Variants in PCGF5 observed in about 807,000 individuals in gnomAD.
The protein encoded by PCGF5 is polycomb group RING finger protein 5.
PCGF5 carries 9 observed loss-of-function variants against 44.3 expected under a neutral mutation model. The observed-to-expected ratio is 0.20, with a 90% CI of 0.12 to 0.35. PCGF5 has a LOEUF of 0.35. Among genes scored for constraint, PCGF5 ranks in the 10% least tolerant of loss-of-function variants. PCGF5 has a pLI of 1.00. For synonymous variants in PCGF5, 95 were observed against 102.5 expected (o/e 0.93, Z 0.44); for missense variants, 146 against 305.3 (o/e 0.48, Z 3.89).
intron 2 of PCGF5, among the ~76,000 whole-genome samples, chr10:91,235,725 G>A (rs770620642): frequency 4.6e-5 from 7 of 152,104 alleles, no homozygotes; most frequent in Non-Finnish European, 1.5e-5. Flanking sequence ...TAAGTCTCAC[G>A]AGATCTGGTG....
At chr10:91,179,941 G>T (rs889258294) in intron 1 of PCGF5, among the ~76,000 whole-genome samples, 3 of 152,112 alleles carry the variant, frequency 2.0e-5, no homozygotes, top group African/African-American at 7.2e-5. Flanking sequence ...TTCCATGGTG[G>T]CTGAACTAAT....
intron 6 of PCGF5, among the ~76,000 whole-genome samples, chr10:91,254,415 A>G (rs949649963): frequency 6.6e-6 from 1 of 151,960 alleles, no homozygotes; most frequent in Non-Finnish European, 1.5e-5. Context: ...TTCCCAACCT[A>G]GTGAATCCCT....
intron 8 of PCGF5, among the ~76,000 whole-genome samples, chr10:91,271,130 A>G (rs1005193596): frequency 2.0e-5 from 3 of 151,096 alleles, no homozygotes; most frequent in Non-Finnish European, 2.9e-5. Context: ...TAATATATAT[A>G]TAATCAGCAA....
At chr10:91,196,525 G>T (rs1264698620) in intron 1 of PCGF5, among the ~76,000 whole-genome samples, 1 of 152,166 alleles carries the variant, frequency 6.6e-6, no homozygotes, top group Non-Finnish European at 1.5e-5. Flanking sequence ...TGGCTTCACA[G>T]TCATGCAGGT....
At chr10:91,243,814 T>G (rs1845389669) in intron 3 of PCGF5, among the ~76,000 whole-genome samples, 1 of 152,218 alleles carries the variant, frequency 6.6e-6, no homozygotes, top group Admixed American at 6.5e-5. Flanking sequence ...TAAAGTTAGT[T>G]TTATATAAAA....
intron 9 of PCGF5, among the ~76,000 whole-genome samples, chr10:91,275,654 CG>C (rs1352219589): frequency 2.7e-5 from 4 of 148,808 alleles, no homozygotes; most frequent in Non-Finnish European, 5.9e-5. Flanking sequence ...GGGGTTTCAC[CG>C]TGTTGGCCAG....
At chr10:91,262,079 A>G (rs565130437) in intron 7 of PCGF5, among the ~76,000 whole-genome samples, 8 of 152,328 alleles carry the variant, frequency 5.3e-5, no homozygotes, top group African/African-American at 1.9e-4. Flanking sequence ...TGATCTTTCA[A>G]CTCATTAATT....
chr10:91,259,464 GA>G (rs1845839739), intron 6 of PCGF5, among the ~76,000 whole-genome samples: 1 of 151,980 alleles, frequency 6.6e-6, no homozygotes, highest in Admixed American at 6.6e-5. Flanking sequence ...CACAGAATTG[GA>G]AAAAACTAAA....
chr10:91,244,170 G>A (rs541830437), intron 3 of PCGF5, among the ~76,000 whole-genome samples: 1 of 152,230 alleles, frequency 6.6e-6, no homozygotes, highest in Admixed American at 6.6e-5. Flanking sequence ...GTGAGGTGAG[G>A]AGGTCAAGAG....
rs576594854 is a variant in PCGF5, at chr10:91,274,388, T to G, written c.723+2691T>G. On this transcript the variant is annotated intron_variant, in intron 9 of 9. Coordinates refer to ENST00000336126, the MANE Select transcript of PCGF5 (RefSeq NM_032373.5). ...TTAAAATAAGGTCTTGCCTTAAACA[T>G]AGACATATGAATAAAAAGAATAGCT... Among the ~76,000 whole-genome samples, 5 of 152,268 alleles carry G rather than the reference T, an allele frequency of 3.3e-5. No homozygotes were observed. The South Asian group carries it at 1.0e-3, about 32-fold the overall frequency.
the PCGF5 span, among the ~76,000 whole-genome samples, chr10:91,156,861 G>T: frequency 6.6e-6 from 1 of 152,198 alleles, no homozygotes; most frequent in South Asian, 2.1e-4. Context: ...CAGAAAAATG[G>T]TTTTCTCCTC....
rs925176866 is a variant in PCGF5 at position 91,185,206 on chromosome 10, A to G, written c.-184+22125A>G. The stretch of plus-strand genomic sequence containing the variant: ...AAATCTCTGTCAGCCAGAAAACACC[A>G]GTGGGGTGGCTGGAGGCCTGGGTTG... On this transcript the variant is annotated intron_variant, in intron 1 of 9. Coordinates refer to the PCGF5 transcript ENST00000614189. 6.3e-5 allele frequency among the ~76,000 whole-genome samples: 9 copies of G among 143,248 alleles called. No individual in the cohort carries two copies. In the South Asian group the frequency reaches 2.1e-3, roughly 33 times the overall value. The allele number at this position is 143,248 out of a possible 152,430, so 94.0% of individuals were successfully genotyped here.
At chr10:91,203,378 T>G (rs1020259544) in intron 1 of PCGF5, among the ~76,000 whole-genome samples, 4 of 152,208 alleles carry the variant, frequency 2.6e-5, no homozygotes, top group African/African-American at 9.6e-5. Flanking sequence ...AGGATCCAGA[T>G]TCTATGAAGT....
chr10:91,226,917 A>G (rs1018468865), intron 2 of PCGF5, among the ~76,000 whole-genome samples: 27 of 152,174 alleles, frequency 1.8e-4, no homozygotes, highest in Admixed American at 1.3e-4. Context: ...TGATAAATAG[A>G]TAAAATTTTT....
intron 5 of PCGF5, among the ~76,000 whole-genome samples, chr10:91,250,436 CT>C (rs1390445811): frequency 2.7e-5 from 4 of 149,962 alleles, no homozygotes; most frequent in Non-Finnish European, 4.4e-5. Flanking sequence ...TTTATTGTCT[CT>C]TTTATATGTG....
At chr10:91,225,279 TCATATATAAC>T (rs1844796408) in intron 2 of PCGF5, among the ~76,000 whole-genome samples, 1 of 147,592 alleles carries the variant, frequency 6.8e-6, no homozygotes, top group Non-Finnish European at 1.5e-5. Flanking sequence ...ACGATATATA[TCATATATAAC>T]ATATATATAA....
At chr10:91,216,763 C>A (rs980042872), upstream of PCGF5, among the ~76,000 whole-genome samples, 10 of 152,240 alleles carry the variant, frequency 6.6e-5, no homozygotes, top group East Asian at 1.9e-3. Flanking sequence ...AAGACATGGT[C>A]AAGGGTGATT....
At chr10:91,241,553 C>T (rs538863941) in intron 3 of PCGF5, among the ~76,000 whole-genome samples, 1 of 152,124 alleles carries the variant, frequency 6.6e-6, no homozygotes, top group South Asian at 2.1e-4. Flanking sequence ...TCATTGTTCC[C>T]ACCATAGCTC....
At chr10:91,216,155 A>T (rs1170620775), upstream of PCGF5, among the ~76,000 whole-genome samples, 2 of 152,212 alleles carry the variant, frequency 1.3e-5, no homozygotes, top group African/African-American at 4.8e-5. Flanking sequence ...CAGATAATCT[A>T]AGAGTGTGAT....
Sources: allele counts gnomAD v4.1 joint callset (sites outside exome capture counted in the v4.1 genomes callset), GRCh38; gene constraint gnomAD v4.1.1; transcripts MANE v1.5; gene names NCBI Gene and HGNC (gene_info 2026-07-23, HGNC 2026-07-21).